The following PRKCA variants were observed in gnomAD, a reference collection of about 807,000 sequenced individuals.
PRKCA encodes protein kinase C alpha type.
Under a neutral mutation model 87.0 loss-of-function variants are expected in PRKCA, and 27 were observed. The ratio of observed to expected loss-of-function variants is 0.31; its 90% CI spans 0.23 to 0.43. The LOEUF is 0.43. Ranked by LOEUF, PRKCA falls within the 20% of genes least tolerant of loss-of-function variation. PRKCA has a pLI of 1.00. For missense variants in PRKCA, 518 were observed against 852.3 expected (o/e 0.61, Z 4.88); for synonymous variants, 329 against 311.1 (o/e 1.06, Z -0.61).
At chr17:66,718,540 A>C (rs1973532985) in intron 8 of PRKCA, among the ~76,000 whole-genome samples, 1 of 152,092 alleles carries the variant, frequency 6.6e-6, no homozygotes, top group Non-Finnish European at 1.5e-5. Flanking sequence ...CTGTTCTCAA[A>C]CTCCCAGCCT....
At chr17:66,642,743 G>A (rs1441728979) in intron 4 of PRKCA, among the ~76,000 whole-genome samples, 2 of 151,578 alleles carry the variant, frequency 1.3e-5, no homozygotes, top group Non-Finnish European at 2.9e-5. Flanking sequence ...ACAACCAAAT[G>A]CAATGTTTGT....
intron 3 of PRKCA, among the ~76,000 whole-genome samples, chr17:66,627,718 AGT>A (rs1271040154): frequency 2.0e-5 from 3 of 152,192 alleles, no homozygotes; most frequent in Non-Finnish European, 2.9e-5. Context: ...ACTACGTGTG[AGT>A]GTGTGAGTGT....
intron 2 of PRKCA, among the ~76,000 whole-genome samples, chr17:66,362,822 G>C (rs1307556913): frequency 6.6e-6 from 1 of 152,122 alleles, no homozygotes; most frequent in Non-Finnish European, 1.5e-5. Context: ...AGTCAGCCGA[G>C]TAGTTGGGAT....
intron 2 of PRKCA, among the ~76,000 whole-genome samples, chr17:66,319,895 C>G (rs141733296): frequency 0.015 from 2,269 of 152,168 alleles, 57 homozygotes; most frequent in African/African-American, 0.052. Flanking sequence ...GCGCCTGCCA[C>G]CACACCTGAC....
chr17:66,400,765 G>A (rs72838209), intron 2 of PRKCA, among the ~76,000 whole-genome samples: 6,787 of 152,310 alleles, frequency 0.045, 221 homozygotes, highest in Admixed American at 0.078. Flanking sequence ...CAATTTCTCT[G>A]CATCATTGCC....
intron 3 of PRKCA, among the ~76,000 whole-genome samples, chr17:66,613,314 C>T (rs550922169): frequency 3.3e-5 from 5 of 151,972 alleles, no homozygotes; most frequent in South Asian, 2.1e-4. Flanking sequence ...AATGCATAGC[C>T]GTCTACACAA....
chr17:66,480,010 A>C lies in PRKCA; in HGVS notation c.206-16191A>C, dbSNP rs533865556. Among the ~76,000 whole-genome samples, 3 of 152,096 alleles carry C rather than the reference A, an allele frequency of 2.0e-5. No homozygotes were observed. In the East Asian group the frequency reaches 5.8e-4, roughly 29 times the overall value. ...ATACCCCTGAACTTAAAAAAAAAAA[A>C]AAACATTTTGGTTTTAGAATTCTGA... On this transcript the variant is annotated intron_variant, in intron 2 of 16. Coordinates refer to ENST00000413366, the MANE Select transcript of PRKCA (RefSeq NM_002737.3).
rs1402470613 is a variant in PRKCA at position 66,778,167 on chromosome 17, G to T, written c.1605+4100G>T. On this transcript the variant is annotated intron_variant, in intron 14 of 16. Coordinates refer to ENST00000413366, the MANE Select transcript of PRKCA (RefSeq NM_002737.3). ...CCAATATTTCCCACACTGCTTCTCA[G>T]AGCCACTTAGCCTGCCTTATATGCA... 4.1e-6 allele frequency: 4 copies of T among 985,250 alleles called. No homozygotes were observed. In the African/African-American group the frequency reaches 7.0e-5, roughly 17 times the overall value. The allele number at this position is 985,250 out of a possible 1,614,324, so 61.0% of individuals were successfully genotyped here. A position where few individuals can be genotyped will look rare whatever the true frequency, so the allele number is the denominator to read the frequency against.
intron 2 of PRKCA, among the ~76,000 whole-genome samples, chr17:66,449,510 C>T (rs1914205460): frequency 6.6e-6 from 1 of 152,124 alleles, no homozygotes; most frequent in Admixed American, 6.5e-5. Flanking sequence ...AGTAGTACAT[C>T]CTCAGCCTTT....
chr17:66,539,237 G>A (rs568775378), intron 3 of PRKCA, among the ~76,000 whole-genome samples: 1 of 152,274 alleles, frequency 6.6e-6, no homozygotes, highest in East Asian at 1.9e-4. Flanking sequence ...ACGTCAGGCT[G>A]AGTGTATGTG....
chr17:66,711,003 A>G (rs981661822), intron 8 of PRKCA, among the ~76,000 whole-genome samples: 2 of 152,144 alleles, frequency 1.3e-5, no homozygotes, highest in African/African-American at 4.8e-5. Flanking sequence ...AGATCGCACC[A>G]TTGCACTCCA....
In PRKCA at chr17:66,498,839, G is replaced by A. The variant is rs528703030; in HGVS notation, c.288+2556G>A. Among the ~76,000 whole-genome samples, 419 of 152,332 alleles carry A rather than the reference G, an allele frequency of 2.8e-3. 8 individuals carry two copies. Among genetic ancestry groups the A allele is most frequent in the Non-Finnish European group, 5.4e-4 (37 of 68,032 alleles). ...AAGGCTGTTTCAGACAAAGGGAAGA[G>A]CAAGTGAGAATGCCAAGATATGGGA... On this transcript the variant is annotated intron_variant, in intron 3 of 16. Coordinates refer to ENST00000413366, the MANE Select transcript of PRKCA (RefSeq NM_002737.3).
intron 13 of PRKCA, among the ~76,000 whole-genome samples, chr17:66,769,191 A>G (rs1178196266): frequency 1.3e-5 from 2 of 151,962 alleles, no homozygotes; most frequent in Non-Finnish European, 2.9e-5. Context: ...TCCTGTCTCT[A>G]AAAAAATTGT....
At chr17:66,759,839 A>G (rs1479055368) in intron 13 of PRKCA, among the ~76,000 whole-genome samples, 1 of 152,268 alleles carries the variant, frequency 6.6e-6, no homozygotes. Flanking sequence ...ATGGAAGGGC[A>G]TTACATAATG....
intron 2 of PRKCA, among the ~76,000 whole-genome samples, chr17:66,465,062 AGTTT>A (rs956558707): frequency 3.9e-5 from 6 of 152,174 alleles, no homozygotes; most frequent in Non-Finnish European, 7.4e-5. Context: ...GTAGAAACAT[AGTTT>A]GTTTCTTTAC....
intron 3 of PRKCA, among the ~76,000 whole-genome samples, chr17:66,585,903 G>A: frequency 6.6e-6 from 1 of 152,200 alleles, no homozygotes; most frequent in East Asian, 1.9e-4. Context: ...ATGTGTCCTT[G>A]AGTCTGAATG....
At chr17:66,465,787 A>G (rs1053572763) in intron 2 of PRKCA, among the ~76,000 whole-genome samples, 2 of 152,196 alleles carry the variant, frequency 1.3e-5, no homozygotes, top group African/African-American at 2.4e-5. Flanking sequence ...AGAGACAACC[A>G]TCCCCATTCC....
intron 5 of PRKCA, among the ~76,000 whole-genome samples, chr17:66,664,225 C>A (rs1311513071): frequency 6.6e-6 from 1 of 152,060 alleles, no homozygotes; most frequent in African/African-American, 2.4e-5. Flanking sequence ...GATGGCAGAG[C>A]CTCCGCTTTG....
chr17:66,732,560 C>T, intron 8 of PRKCA, 128 bp from the exon 9 acceptor site: 2 of 1,141,710 alleles, frequency 1.8e-6, no homozygotes, highest in Non-Finnish European at 2.6e-6. Context: ...CAATTCTCAC[C>T]CTTTGTTCCT....
Sources: allele counts gnomAD v4.1 joint callset (sites outside exome capture counted in the v4.1 genomes callset), GRCh38; gene constraint gnomAD v4.1.1; transcripts MANE v1.5; gene names NCBI Gene and HGNC (gene_info 2026-07-23, HGNC 2026-07-21).